The following ITPR2 variants were observed in gnomAD, a reference collection of about 807,000 sequenced individuals.
The protein encoded by ITPR2 is inositol 1,4,5-trisphosphate-gated calcium channel ITPR2.
ITPR2 carries 207 observed loss-of-function variants against 317.1 expected under a neutral mutation model. That is an observed-to-expected ratio of 0.65 (90% CI 0.58 to 0.73). The LOEUF (loss-of-function observed/expected upper bound fraction) is 0.73. Among genes scored for constraint, ITPR2 ranks in the 30% least tolerant of loss-of-function variants. ITPR2 has a pLI of 0.00. For missense variants in ITPR2, 2,613 were observed against 3,284.0 expected (o/e 0.80, Z 4.99); for synonymous variants, 1,156 against 1,149.1 (o/e 1.01, Z -0.12).
At chr12:26,413,380 G>A (rs1377297604) in intron 51 of ITPR2, among the ~76,000 whole-genome samples, 4 of 152,160 alleles carry the variant, frequency 2.6e-5, no homozygotes, top group Non-Finnish European at 5.9e-5. Flanking sequence ...CTACAGAGTT[G>A]CATATTTCTC....
At chr12:26,822,166 A>G (rs1299488201) in intron 1 of ITPR2, among the ~76,000 whole-genome samples, 1 of 152,226 alleles carries the variant, frequency 6.6e-6, no homozygotes, top group Non-Finnish European at 1.5e-5. Flanking sequence ...CTCTGGGATA[A>G]TCAATATATA....
intron 1 of ITPR2, among the ~76,000 whole-genome samples, chr12:26,802,932 C>T (rs1333851016): frequency 6.6e-6 from 1 of 152,032 alleles, no homozygotes; most frequent in Non-Finnish European, 1.5e-5. Flanking sequence ...AATCAACAAG[C>T]CTGATCTAAT....
intron 46 of ITPR2, among the ~76,000 whole-genome samples, chr12:26,439,845 C>T (rs1156308170): frequency 6.6e-6 from 1 of 152,100 alleles, no homozygotes; most frequent in Non-Finnish European, 1.5e-5. Flanking sequence ...ATTTTTGTAG[C>T]TACAACATCC....
rs536586113 is a variant in ITPR2, at chr12:26,714,475, ATAAAG to A, written c.855+819_855+823del. 3.3e-3 allele frequency among the ~76,000 whole-genome samples: 502 copies of A among 152,270 alleles called. 5 individuals carry two copies. The highest frequency in any genetic ancestry group is 2.2e-3 in the Non-Finnish European group (151 of 68,012). ...ATGTTGAAATACATATTATTTTATT[ATAAAG>A]TATTTTCCTTTTATTTATTCTTTAT... is the stretch of plus-strand genomic sequence containing the variant. On this transcript the variant is annotated intron_variant, in intron 8 of 56. Coordinates refer to ENST00000381340, the MANE Select transcript of ITPR2 (RefSeq NM_002223.4).
At chr12:26,409,602 GA>G (rs58349799) in intron 52 of ITPR2, among the ~76,000 whole-genome samples, 40 of 149,950 alleles carry the variant, frequency 2.7e-4, no homozygotes, top group East Asian at 1.4e-3. Context: ...TGTTTTTCTT[GA>G]AAAAAAAAAT....
At chr12:26,669,397 G>A (rs1947697815) in intron 13 of ITPR2, among the ~76,000 whole-genome samples, 1 of 152,122 alleles carries the variant, frequency 6.6e-6, no homozygotes, top group Non-Finnish European at 1.5e-5. Context: ...GAAAACGGCT[G>A]AAAATTTCCA....
chr12:26,736,747 C>T (rs945797181), intron 2 of ITPR2, among the ~76,000 whole-genome samples: 2 of 152,084 alleles, frequency 1.3e-5, no homozygotes, highest in Admixed American at 6.5e-5. Context: ...AAGCTGATGC[C>T]GCCATTTTAG....
At chr12:26,508,561 T>A (rs922256639) in intron 37 of ITPR2, among the ~76,000 whole-genome samples, 4 of 152,002 alleles carry the variant, frequency 2.6e-5, no homozygotes, top group African/African-American at 9.7e-5. Flanking sequence ...AGAGGTATAT[T>A]TATCTTACAA....
chr12:26,452,118 C>A (rs1380031803), intron 45 of ITPR2, among the ~76,000 whole-genome samples: 7 of 152,114 alleles, frequency 4.6e-5, no homozygotes. Flanking sequence ...TCCCCCTGCA[C>A]CCCACCATCT....
intron 37 of ITPR2, among the ~76,000 whole-genome samples, chr12:26,497,162 T>TG (rs940278248): frequency 6.7e-6 from 1 of 149,774 alleles, no homozygotes; most frequent in African/African-American, 2.5e-5. Flanking sequence ...TCTCTTTTTT[T>TG]TTTTTTTTTG....
intron 39 of ITPR2, among the ~76,000 whole-genome samples, chr12:26,489,287 A>G (rs2136857932): frequency 6.6e-6 from 1 of 152,338 alleles, no homozygotes; most frequent in Non-Finnish European, 1.5e-5. Context: ...ATCAACAGAT[A>G]TGTGTGACAG....
At chr12:26,671,273 G>GA (rs1371623048) in intron 13 of ITPR2, among the ~76,000 whole-genome samples, 7 of 152,140 alleles carry the variant, frequency 4.6e-5, no homozygotes, top group African/African-American at 1.4e-4. Context: ...TGAAATGAAG[G>GA]AAAAAATGTT....
Position 26,486,136 on chromosome 12 carries a change from A to C in ITPR2, c.5779T>G (p.Leu1927Val). ...TCCCGGTTGTGATTCTCACACAGTAACTGAAGAAATCTCAGTATTGGCTGC... is the reference window on the plus strand; with the variant it reads ...TCCCGGTTGTGATTCTCACACAGTACCTGAAGAAATCTCAGTATTGGCTGC... ...IMQPILRFLQ[L>V]LCENHNRELQ... The change falls in exon 41 of 57, where the codon TTA becomes GTA. Residue 1927 changes from leucine (L) to valine (V), a missense_variant. By Grantham distance (32) the Leu-to-Val change is conservative. This residue lies in a region of ITPR2 where 926 missense variants were observed against 1,072.8 expected (regional missense o/e 0.86). Transcript: ENST00000381340. The C allele has an allele frequency of 6.2e-7, 1 of 1,614,188 alleles. No homozygotes were observed. The highest frequency in any genetic ancestry group is 8.5e-7 in the Non-Finnish European group (1 of 1,180,010).
rs3064583 is a variant in ITPR2, at chr12:26,772,491, C to CATGTATTATATATATAAT, written c.163+17665_163+17666insATTATATATATAATACAT. ...TGTATTATATATAATATATATAATA[C>CATGTATTATATATATAAT]ATATAATACATGTATTATATATAAT... On this transcript the variant is annotated intron_variant, in intron 2 of 56. Transcript: ENST00000381340. Among the ~76,000 whole-genome samples the CATGTATTATATATATAAT allele has an allele frequency of 1.8e-3, 180 of 100,492 alleles. 7 individuals are homozygous for CATGTATTATATATATAAT. The highest frequency in any genetic ancestry group is 3.0e-3 in the Non-Finnish European group (142 of 47,180). The allele number at this position is 100,492 out of a possible 152,430, so 65.9% of individuals were successfully genotyped here.
At chr12:26,585,579 A>AT (rs1375832706) in intron 32 of ITPR2, among the ~76,000 whole-genome samples, 2 of 151,972 alleles carry the variant, frequency 1.3e-5, no homozygotes, top group African/African-American at 2.4e-5. Context: ...TAATTTTTGT[A>AT]TTTTTTGTAG....
intron 37 of ITPR2, among the ~76,000 whole-genome samples, chr12:26,543,896 G>C (rs6487560): frequency 0.17 from 26,558 of 151,962 alleles, 3,275 homozygotes; most frequent in African/African-American, 0.34. Flanking sequence ...CTGTTGTTAC[G>C]TTTAAAAAGC....
intron 37 of ITPR2, among the ~76,000 whole-genome samples, chr12:26,531,825 A>T (rs2136961353): frequency 6.6e-6 from 1 of 152,342 alleles, no homozygotes; most frequent in South Asian, 2.1e-4. Flanking sequence ...TATGGAATAG[A>T]TACTTGCTTG....
At chr12:26,438,690 G>A (rs557356136) in intron 47 of ITPR2, among the ~76,000 whole-genome samples, 80 of 152,160 alleles carry the variant, frequency 5.3e-4, no homozygotes, top group Non-Finnish European at 9.9e-4. Flanking sequence ...TATGTTCAAA[G>A]AAAGAATTAC....
At chr12:26,628,489 T>C (rs1946674486) in intron 22 of ITPR2, among the ~76,000 whole-genome samples, 1 of 152,128 alleles carries the variant, frequency 6.6e-6, no homozygotes, top group Non-Finnish European at 1.5e-5. Flanking sequence ...TTTTACAGAG[T>C]GCCATTGTCT....
Sources: gnomAD v4.1 joint callset for allele counts (sites outside exome capture counted in the v4.1 genomes callset) on GRCh38, gnomAD v4.1.1 for gene constraint, gnomAD v4.1.1 regional missense constraint, MANE v1.5 for transcripts, NCBI Gene and HGNC (gene_info 2026-07-23, HGNC 2026-07-21) for gene names.